Variants in PDE4B observed in about 807,000 individuals in gnomAD.
The protein encoded by PDE4B is 3',5'-cyclic-AMP phosphodiesterase 4B.
Under a neutral mutation model 82.2 loss-of-function variants are expected in PDE4B, and 20 were observed. The ratio of observed to expected loss-of-function variants is 0.24; its 90% CI spans 0.17 to 0.35. PDE4B has a LOEUF of 0.35. Among genes scored for constraint, PDE4B ranks in the 10% least tolerant of loss-of-function variants. The pLI is 1.00. For synonymous variants in PDE4B, 320 were observed against 318.9 expected (o/e 1.00, Z -0.04); for missense variants, 655 against 907.2 (o/e 0.72, Z 3.57).
At chr1:66,365,381 A>C (rs1464764739) in intron 12 of PDE4B, among the ~76,000 whole-genome samples, 1 of 152,184 alleles carries the variant, frequency 6.6e-6, no homozygotes, top group East Asian at 1.9e-4. Flanking sequence ...GGTCCAAGAA[A>C]CAAACATTAG....
chr1:66,113,318 A>G (rs902817387), intron 3 of PDE4B, among the ~76,000 whole-genome samples: 1 of 152,238 alleles, frequency 6.6e-6, no homozygotes, highest in Non-Finnish European at 1.5e-5. Context: ...GAAGGAAAAC[A>G]TCAATTTACA....
At chr1:65,981,532 G>T (rs536136157) in intron 3 of PDE4B, among the ~76,000 whole-genome samples, 23 of 131,478 alleles carry the variant, frequency 1.7e-4, no homozygotes, top group African/African-American at 6.5e-4. Flanking sequence ...TAAATATGGC[G>T]TATTCATGTT....
chr1:66,153,661 G>T (rs1646446986), intron 3 of PDE4B, among the ~76,000 whole-genome samples: 1 of 152,188 alleles, frequency 6.6e-6, no homozygotes. Flanking sequence ...ATAGCCCAGT[G>T]CGGAAGGCAG....
intron 3 of PDE4B, among the ~76,000 whole-genome samples, chr1:66,229,663 C>A (rs1346810090): frequency 1.3e-5 from 2 of 152,104 alleles, no homozygotes; most frequent in East Asian, 1.9e-4. Context: ...GAGACTGGGG[C>A]AGTAATGATA....
At chr1:66,279,901 G>A (rs1656170420) in intron 7 of PDE4B, among the ~76,000 whole-genome samples, 1 of 152,076 alleles carries the variant, frequency 6.6e-6, no homozygotes, top group Admixed American at 6.5e-5. Context: ...TAAGTCTATT[G>A]ATTGTAGATG....
At chr1:66,309,141 C>T (rs1658493186) in intron 7 of PDE4B, among the ~76,000 whole-genome samples, 2 of 152,118 alleles carry the variant, frequency 1.3e-5, no homozygotes, top group Admixed American at 1.3e-4. Flanking sequence ...TACACTTAGT[C>T]CTGGAAGAAG....
At chr1:65,837,517 A>G (rs1646153715) in intron 1 of PDE4B, among the ~76,000 whole-genome samples, 1 of 152,188 alleles carries the variant, frequency 6.6e-6, no homozygotes, top group African/African-American at 2.4e-5. Flanking sequence ...CTGAGGCAGG[A>G]GAATTGCTTG....
At chr1:66,338,825 C>T (rs1040129772) in intron 8 of PDE4B, among the ~76,000 whole-genome samples, 10 of 151,744 alleles carry the variant, frequency 6.6e-5, no homozygotes, top group Non-Finnish European at 1.5e-4. Context: ...GAGACCATCC[C>T]GGCTAAAACG....
intron 3 of PDE4B, among the ~76,000 whole-genome samples, chr1:66,093,357 C>CT (rs1645060322): frequency 6.6e-6 from 1 of 152,032 alleles, no homozygotes; most frequent in Admixed American, 6.6e-5. Context: ...GTATTGCTTT[C>CT]TCCCTTTTTA....
intron 3 of PDE4B, among the ~76,000 whole-genome samples, chr1:66,025,730 T>G (rs976167471): frequency 6.6e-6 from 1 of 152,168 alleles, no homozygotes; most frequent in Admixed American, 6.6e-5. Context: ...GTTCCCCATT[T>G]CATGACTAAT....
intron 3 of PDE4B, among the ~76,000 whole-genome samples, chr1:66,016,793 A>G (rs999020854): frequency 1.3e-5 from 2 of 152,264 alleles, no homozygotes; most frequent in South Asian, 2.1e-4. Flanking sequence ...TTGAGCACTT[A>G]TAACCAAAAG....
chr1:65,868,246 A>T (rs926190802), intron 1 of PDE4B, among the ~76,000 whole-genome samples: 4 of 152,304 alleles, frequency 2.6e-5, no homozygotes, highest in Admixed American at 2.0e-4. Context: ...AGGCATTTCT[A>T]TCATCATCTC....
chr1:65,933,101 C>G (rs1416726239), intron 3 of PDE4B, among the ~76,000 whole-genome samples: 2 of 151,652 alleles, frequency 1.3e-5, no homozygotes, highest in African/African-American at 2.4e-5. Flanking sequence ...CTCTAGGAAG[C>G]CCAGCAGATA....
chr1:66,220,125 GA>G (rs1313217047), intron 3 of PDE4B, among the ~76,000 whole-genome samples: 1 of 152,140 alleles, frequency 6.6e-6, no homozygotes, highest in East Asian at 1.9e-4. Flanking sequence ...AAAGAAGAGG[GA>G]AGTATCTGGA....
intron 3 of PDE4B, among the ~76,000 whole-genome samples, chr1:66,183,408 A>G (rs562066427): frequency 2.0e-5 from 3 of 152,274 alleles, no homozygotes; most frequent in South Asian, 4.1e-4. Context: ...TTCAGATGCT[A>G]ATTTTTCATC....
rs539490591 is a variant in PDE4B at position 66,304,718 on chromosome 1, G to A, written c.635-27790G>A. On this transcript the variant is annotated intron_variant, in intron 7 of 16. Coordinates refer to ENST00000341517, the MANE Select transcript of PDE4B (RefSeq NM_002600.4). Reference sequence around the variant, plus strand: ...CACACTAAATTCTCGTAGACCCAGTGAGGAGAATGGGGAAAGCAGGGACAT... The same window carrying A: ...CACACTAAATTCTCGTAGACCCAGTAAGGAGAATGGGGAAAGCAGGGACAT... Among the ~76,000 whole-genome samples, 15 of 152,250 alleles carry A rather than the reference G, an allele frequency of 9.9e-5. No individual in the cohort carries two copies. In the South Asian group the frequency reaches 2.5e-3, roughly 25 times the overall value.
chr1:65,838,181 T>C (rs1194371072), intron 1 of PDE4B, among the ~76,000 whole-genome samples: 1 of 152,182 alleles, frequency 6.6e-6, no homozygotes, highest in African/African-American at 2.4e-5. Flanking sequence ...AACCTCCGCA[T>C]GTACTTTTTA....
chr1:66,066,729 A>C (rs1490428890), intron 3 of PDE4B, among the ~76,000 whole-genome samples: 4 of 151,908 alleles, frequency 2.6e-5, no homozygotes, highest in Non-Finnish European at 4.4e-5. Flanking sequence ...CTTCCCCACT[A>C]ATCTCCTGAA....
intron 3 of PDE4B, among the ~76,000 whole-genome samples, chr1:66,121,865 G>A (rs376249255): frequency 1.3e-5 from 2 of 152,150 alleles, no homozygotes; most frequent in East Asian, 1.9e-4. Context: ...TTTGAAACTT[G>A]AGTCAGGTAA....
Sources: gnomAD v4.1 joint callset for allele counts (sites outside exome capture counted in the v4.1 genomes callset) on GRCh38, gnomAD v4.1.1 for gene constraint, MANE v1.5 for transcripts, NCBI Gene and HGNC (gene_info 2026-07-23, HGNC 2026-07-21) for gene names.